The following TARS3 variants were observed in gnomAD, a reference collection of about 807,000 sequenced individuals.
TARS3 encodes the protein threonine--tRNA ligase 2, cytoplasmic.
TARS3 carries 94 observed loss-of-function variants against 103.5 expected under a neutral mutation model. The observed-to-expected ratio is 0.91, with a 90% CI of 0.77 to 1.08. TARS3 has a LOEUF of 1.08. Ranked by LOEUF, TARS3 falls within the 50% of genes least tolerant of loss-of-function variation. The pLI is 0.00. For synonymous variants in TARS3, 416 were observed against 355.4 expected, an observed-to-expected ratio of 1.17 and a Z score of -1.92; for missense variants, 952 against 995.2, an observed-to-expected ratio of 0.96 and a Z score of 0.58.
intron 3 of TARS3, 77 bp downstream of exon 3, chr15:101,721,049 G>A (rs1040803135): frequency 9.0e-6 from 11 of 1,222,446 alleles, no homozygotes; most frequent in African/African-American, 3.0e-5. Flanking sequence ...ATATATTAGC[G>A]GTCCCTAAGA....
chr15:101,700,719 C>G (rs1899226670), intron 10 of TARS3, among the ~76,000 whole-genome samples: 1 of 151,648 alleles, frequency 6.6e-6, no homozygotes, highest in Non-Finnish European at 1.5e-5. Context: ...TCCTGGCTCA[C>G]TGCAAACTCT....
chr15:101,717,200 C>T (rs926216786), intron 3 of TARS3, among the ~76,000 whole-genome samples: 3 of 152,122 alleles, frequency 2.0e-5, no homozygotes, highest in African/African-American at 7.2e-5. Context: ...TTAACTTGAG[C>T]AGCAGTACTG....
In TARS3 at chr15:101,654,493, C is replaced by T; in HGVS notation, c.*89G>A. 1 of 1,441,648 alleles carries T rather than the reference C, an allele frequency of 6.9e-7. No homozygotes were observed. Among genetic ancestry groups the T allele is most frequent in the Non-Finnish European group, 9.4e-7 (1 of 1,066,452 alleles). The allele number at this position is 1,441,648 out of a possible 1,614,324, so 89.3% of individuals were successfully genotyped here. Reference sequence around the variant, plus strand: ...CCATGAGTGGACCCATCAGTGGCTCCAAAGTCGTAGAAGTACTAACATGTT... The same window carrying T: ...CCATGAGTGGACCCATCAGTGGCTCTAAAGTCGTAGAAGTACTAACATGTT... On this transcript the variant is annotated 3_prime_UTR_variant, in exon 19 of 19. Transcript: ENST00000335968.
intron 12 of TARS3, among the ~76,000 whole-genome samples, chr15:101,677,337 T>C (rs1470543142): frequency 1.3e-5 from 2 of 152,158 alleles, no homozygotes; most frequent in Admixed American, 6.5e-5. Flanking sequence ...ATTCTCTCTC[T>C]TTTTGAGTTG....
At chr15:101,654,967 GA>G (rs1421112835) in intron 18 of TARS3, among the ~76,000 whole-genome samples, 2 of 152,246 alleles carry the variant, frequency 1.3e-5, no homozygotes, top group Non-Finnish European at 2.9e-5. Context: ...GTGCAGATGA[GA>G]GGGGGGAGCT....
intron 12 of TARS3, among the ~76,000 whole-genome samples, chr15:101,679,868 GCTC>G (rs1898186818): frequency 1.3e-5 from 2 of 152,330 alleles, no homozygotes; most frequent in South Asian, 4.1e-4. Flanking sequence ...GGGGAGAGGA[GCTC>G]CTCGTTACTT....
At chr15:101,724,065 C>T in intron 1 of TARS3, 26 bp downstream of exon 1, 2 of 1,349,648 alleles carry the variant, frequency 1.5e-6, no homozygotes, top group Non-Finnish European at 1.9e-6. Context: ...CCCGCGTCCT[C>T]TCCAGTGTCC....
chr15:101,696,319 G>A (rs574542958), intron 10 of TARS3, among the ~76,000 whole-genome samples: 1 of 150,976 alleles, frequency 6.6e-6, no homozygotes, highest in African/African-American at 2.4e-5. Flanking sequence ...CCTACCAGCA[G>A]TAAGTGTTAT....
Position 101,708,962 on chromosome 15 carries a change from C to A in TARS3, c.813-52G>T, listed in dbSNP as rs1452316571. The A allele has an allele frequency of 3.4e-6, 4 of 1,193,394 alleles. No individual in the cohort carries two copies. The South Asian group carries it at 5.9e-5, about 18-fold the overall frequency. 73.9% of individuals were successfully genotyped at this position (1,193,394 alleles called of 1,614,324 possible). On this transcript the variant is annotated intron_variant, in intron 5 of 18. Transcript: ENST00000335968. ...TCCATCTTCCAGACATTATGCATTC[C>A]CTCTTTCCTTTGTCCTGGAGCCTCA...
chr15:101,675,928 G>C (rs547488367), intron 12 of TARS3, among the ~76,000 whole-genome samples, 191 bp from the exon 13 acceptor site: 1 of 142,292 alleles, frequency 7.0e-6, no homozygotes. Flanking sequence ...AGGGAATGGA[G>C]AAGGAGTAGG....
At chr15:101,670,119 T>A (rs949774644) in intron 15 of TARS3, among the ~76,000 whole-genome samples, 1 of 152,178 alleles carries the variant, frequency 6.6e-6, no homozygotes, top group African/African-American at 2.4e-5. Flanking sequence ...AGCTTATAGA[T>A]ATGATGCCAA....
chr15:101,654,805 A>C, intron 18 of TARS3, 75 bp from the exon 19 acceptor site: 1 of 1,415,454 alleles, frequency 7.1e-7, no homozygotes, highest in African/African-American at 1.4e-5. Context: ...GTCCCATGAC[A>C]TGTTTTTATC....
chr15:101,681,935 C>T (rs1898269862), intron 12 of TARS3, among the ~76,000 whole-genome samples: 1 of 151,962 alleles, frequency 6.6e-6, no homozygotes, highest in African/African-American at 2.4e-5. Flanking sequence ...TTCTTATTTG[C>T]AATTTCCAAG....
chr15:101,680,497 C>A lies in TARS3; in HGVS notation c.1650+3578G>T, dbSNP rs147153264. Among the ~76,000 whole-genome samples the A allele has an allele frequency of 3.2e-3, 492 of 152,310 alleles. 2 individuals are homozygous for A. The highest frequency in any genetic ancestry group is 0.01 in the African/African-American group (434 of 41,570). ...GTTTCTTAGGTCCTGATGTCCATAG[C>A]CAGTGTGCCCTTTTTCTCAACACCT... On this transcript the variant is annotated intron_variant, in intron 12 of 18. Coordinates refer to ENST00000335968, the MANE Select transcript of TARS3 (RefSeq NM_152334.3).
At chr15:101,682,662 G>A (rs1262180892) in intron 12 of TARS3, among the ~76,000 whole-genome samples, 1 of 152,100 alleles carries the variant, frequency 6.6e-6, no homozygotes, top group African/African-American at 2.4e-5. Context: ...TCATGAGGTG[G>A]TGAAGATTTC....
chr15:101,661,850 C>A (rs186392140), intron 15 of TARS3, 34 bp from the exon 16 acceptor site: 2 of 1,335,254 alleles, frequency 1.5e-6, no homozygotes, highest in South Asian at 1.5e-5. Context: ...TAAGTCTTTT[C>A]CTAAGATTCA....
chr15:101,672,959 G>A (rs926116014), intron 13 of TARS3, among the ~76,000 whole-genome samples: 1 of 152,180 alleles, frequency 6.6e-6, no homozygotes, highest in African/African-American at 2.4e-5. Context: ...TTGGAGAAGA[G>A]GATAAAGCAG....
intron 6 of TARS3, among the ~76,000 whole-genome samples, chr15:101,706,998 A>T (rs935095015): frequency 6.6e-6 from 1 of 152,222 alleles, no homozygotes; most frequent in African/African-American, 2.4e-5. Context: ...CCTAATTAAA[A>T]AATGGGCAAA....
At chr15:101,683,815 A>T (rs1281914908) in intron 12 of TARS3, among the ~76,000 whole-genome samples, 1 of 152,246 alleles carries the variant, frequency 6.6e-6, no homozygotes, top group East Asian at 1.9e-4. Context: ...AAAACAAAAC[A>T]TCCAGAATTC....
Sources: gnomAD v4.1 joint callset for allele counts (sites outside exome capture counted in the v4.1 genomes callset) on GRCh38, gnomAD v4.1.1 for gene constraint, MANE v1.5 for transcripts, NCBI Gene and HGNC (gene_info 2026-07-23, HGNC 2026-07-21) for gene names.